NBEAL1: variants seen among roughly 807,000 people sequenced by gnomAD.
The protein encoded by NBEAL1 is neurobeachin like 1.
In NBEAL1, 273 loss-of-function variants were observed where a neutral mutation model predicts 351.3. That is an observed-to-expected ratio of 0.78 (90% CI 0.70 to 0.86). The LOEUF is 0.86. Ranked by LOEUF, NBEAL1 falls within the 40% of genes least tolerant of loss-of-function variation. NBEAL1 has a pLI of 0.00. For synonymous variants in NBEAL1, 1,050 were observed against 1,086.4 expected, an observed-to-expected ratio of 0.97 and a Z score of 0.66; for missense variants, 2,961 against 3,201.3, an observed-to-expected ratio of 0.92 and a Z score of 1.81.
chr2:203,171,970 C>A lies in NBEAL1; in HGVS notation c.6145C>A (p.Gln2049Lys). 1 of 1,607,422 alleles carries A rather than the reference C, an allele frequency of 6.2e-7. No individual in the cohort carries two copies. The change falls in exon 40 of 56, where the codon CAA (glutamine) becomes AAA (lysine). Residue 2049 changes from glutamine (Q) to lysine (K), a missense_variant. Transcript: ENST00000683969. Reference sequence around the variant, plus strand: ...GATATCAAATTTTGACTACCTCATTCAAATAAATACAATGGCAGGACGAAC... The same window carrying A: ...GATATCAAATTTTGACTACCTCATTAAAATAAATACAATGGCAGGACGAAC... Reference protein sequence around the residue: ...REISNFDYLIQINTMAGRTYN... With the variant: ...REISNFDYLIKINTMAGRTYN...
chr2:203,057,177 A>T (rs1024258237), intron 5 of NBEAL1, 149 bp from the exon 6 acceptor site: 1 of 554,738 alleles, frequency 1.8e-6, no homozygotes, highest in Non-Finnish European at 3.1e-6. Context: ...ATCGTAGGAC[A>T]TATTTAAAAT....
rs1336362857 is a variant in NBEAL1, at chr2:203,107,791, A to G, written c.1552A>G (p.Met518Val). 1.3e-6 allele frequency: 2 copies of G among 1,554,618 alleles called. No individual in the cohort carries two copies. The highest frequency in any genetic ancestry group is 1.7e-6 in the Non-Finnish European group (2 of 1,147,796). The change falls in exon 14 of 56, where the codon ATG (methionine) becomes GTG (valine). Residue 518 changes from methionine to valine, a missense_variant. Transcript: ENST00000683969. ...QSRTTCVNAN[M>V]GIRIIETLDL... ...TCGAACTACTTGTGTCAATGCAAAC[A>G]TGGGGATTAGAATCATTGAAACCCT...
Position 203,219,655 on chromosome 2 carries a change from AC to A in NBEAL1, c.*2303del, listed in dbSNP as rs1195926929. 6.6e-6 allele frequency: 1 copy of A among 152,096 alleles called. No individual in the cohort carries two copies. The allele number at this position is 152,096 out of a possible 1,614,324, so 9.4% of individuals were successfully genotyped here. A position where few individuals can be genotyped will look rare whatever the true frequency, so the allele number is the denominator to read the frequency against. On this transcript the variant is annotated 3_prime_UTR_variant, in exon 56 of 56. Transcript: ENST00000683969. ...CGAATCACAAGGTCAGGAGTTCAAGACCAGCCTGGCCAACACAGTGAAACCC... is the reference window on the plus strand; with the variant it reads ...CGAATCACAAGGTCAGGAGTTCAAGACAGCCTGGCCAACACAGTGAAACCC...
At chr2:203,107,186 A>T (rs1006159125) in intron 12 of NBEAL1, among the ~76,000 whole-genome samples, 9 of 152,154 alleles carry the variant, frequency 5.9e-5, no homozygotes, top group Non-Finnish European at 1.3e-4. Flanking sequence ...GTTATTGTTA[A>T]TTTCATTTAT....
chr2:203,029,377 A>G (rs2060913302), intron 2 of NBEAL1, among the ~76,000 whole-genome samples: 1 of 152,214 alleles, frequency 6.6e-6, no homozygotes, highest in Non-Finnish European at 1.5e-5. Context: ...TTTACCTAAC[A>G]TTGCAGATGT....
intron 29 of NBEAL1, 75 bp downstream of exon 29, chr2:203,136,849 C>T: frequency 1.6e-6 from 2 of 1,260,576 alleles, no homozygotes; most frequent in Non-Finnish European, 2.3e-6. Context: ...AGTTATTGAA[C>T]ATTTATTCAG....
Position 203,202,677 on chromosome 2 carries a change from T to C in NBEAL1, c.7412-10T>C. 6.6e-7 allele frequency: 1 copy of C among 1,514,292 alleles called. No individual in the cohort carries two copies. Among genetic ancestry groups the C allele is most frequent in the Non-Finnish European group, 9.2e-7 (1 of 1,092,114 alleles). The allele number at this position is 1,514,292 out of a possible 1,614,324, so 93.8% of individuals were successfully genotyped here. A position where few individuals can be genotyped will look rare whatever the true frequency, so the allele number is the denominator to read the frequency against. Reference sequence around the variant, plus strand: ...AGGCATCTCATTTTATTTAATTCCTTTTCTTACAGATATTGTGACTTGCTT... The same window carrying C: ...AGGCATCTCATTTTATTTAATTCCTCTTCTTACAGATATTGTGACTTGCTT... On this transcript the variant is annotated splice_polypyrimidine_tract_variant and intron_variant, in intron 50 of 55. Coordinates refer to ENST00000683969, the MANE Select transcript of NBEAL1 (RefSeq NM_001378026.1).
At chr2:203,115,550 T>A (rs530960636) in intron 17 of NBEAL1, among the ~76,000 whole-genome samples, 1 of 152,174 alleles carries the variant, frequency 6.6e-6, no homozygotes, top group South Asian at 2.1e-4. Flanking sequence ...ATCTCTCACC[T>A]CCTGAGTAGC....
intron 2 of NBEAL1, among the ~76,000 whole-genome samples, chr2:203,022,185 C>G (rs1005553139): frequency 2.0e-5 from 3 of 152,070 alleles, no homozygotes; most frequent in African/African-American, 7.2e-5. Context: ...GTTAGTTGGT[C>G]ACTAGAATAT....
chr2:203,169,015 T>C (rs182226133), intron 38 of NBEAL1, among the ~76,000 whole-genome samples: 19 of 152,142 alleles, frequency 1.2e-4, no homozygotes, highest in African/African-American at 4.6e-4. Context: ...ACTATAAGGA[T>C]AGGTATTATG....
At chr2:203,018,470 C>T (rs72932588) in intron 2 of NBEAL1, among the ~76,000 whole-genome samples, 1 of 152,020 alleles carries the variant, frequency 6.6e-6, no homozygotes, top group African/African-American at 2.4e-5. Flanking sequence ...CAGTTTTTCT[C>T]ATTTGTTGAG....
rs114343075 is a variant in NBEAL1 at position 203,201,533 on chromosome 2, G to A, written c.7239-10G>A. The A allele has an allele frequency of 1.4e-3, 2,140 of 1,513,062 alleles. 22 individuals carry two copies. In the African/African-American group the frequency reaches 0.026, roughly 18 times the overall value. 93.7% of individuals were successfully genotyped at this position (1,513,062 alleles called of 1,614,324 possible). A position where few individuals can be genotyped will look rare whatever the true frequency, so the allele number is the denominator to read the frequency against. Reference sequence around the variant, plus strand: ...GTAAGGAAAAGTCTGATATTTAATTGTGTTTACAGAACTCAGCGCAGTATA... The same window carrying A: ...GTAAGGAAAAGTCTGATATTTAATTATGTTTACAGAACTCAGCGCAGTATA... On this transcript the variant is annotated splice_polypyrimidine_tract_variant and intron_variant, in intron 49 of 55. Transcript: ENST00000683969.
intron 29 of NBEAL1, 88 bp from the exon 30 acceptor site, chr2:203,138,074 G>A: frequency 8.5e-7 from 1 of 1,171,440 alleles, no homozygotes; most frequent in Non-Finnish European, 1.2e-6. Flanking sequence ...ATACAGTGCT[G>A]CCTCTCAAGC....
chr2:203,176,141 C>A (rs1353684872), intron 42 of NBEAL1, among the ~76,000 whole-genome samples: 1 of 148,898 alleles, frequency 6.7e-6, no homozygotes, highest in Non-Finnish European at 1.5e-5. Flanking sequence ...TTATTAAAAG[C>A]TGAAAAGATC....
intron 19 of NBEAL1, among the ~76,000 whole-genome samples, chr2:203,122,797 T>A (rs2062858044): frequency 2.0e-5 from 3 of 152,210 alleles, no homozygotes; most frequent in African/African-American, 7.2e-5. Flanking sequence ...CCCTAGCACT[T>A]TATTATTTCA....
At chr2:203,105,237 C>A (rs916673863) in intron 12 of NBEAL1, among the ~76,000 whole-genome samples, 2 of 151,572 alleles carry the variant, frequency 1.3e-5, no homozygotes, top group Non-Finnish European at 2.9e-5. Context: ...CTGAGGCAGG[C>A]GGATCATGAG....
chr2:203,178,517 A>G (rs1265380376), intron 42 of NBEAL1, among the ~76,000 whole-genome samples: 1 of 152,216 alleles, frequency 6.6e-6, no homozygotes, highest in Non-Finnish European at 1.5e-5. Context: ...GTGTCCATCT[A>G]CTGATAAATG....
intron 2 of NBEAL1, chr2:203,040,635 C>G: frequency 1.5e-6 from 1 of 671,194 alleles, no homozygotes. Context: ...TTGAGGAGCA[C>G]CTGGAGAAGT....
intron 2 of NBEAL1, among the ~76,000 whole-genome samples, chr2:203,033,469 T>C (rs2060986491): frequency 6.6e-6 from 1 of 152,234 alleles, no homozygotes; most frequent in African/African-American, 2.4e-5. Flanking sequence ...AAACACAGTC[T>C]GTATCTGGAT....
Sources: allele counts gnomAD v4.1 joint callset (sites outside exome capture counted in the v4.1 genomes callset), GRCh38; gene constraint gnomAD v4.1.1; transcripts MANE v1.5; gene names NCBI Gene and HGNC (gene_info 2026-07-23, HGNC 2026-07-21).